KCNIP1: variants seen among roughly 807,000 people sequenced by gnomAD.
The protein encoded by KCNIP1 is potassium voltage-gated channel interacting protein 1.
Under a neutral mutation model 33.0 loss-of-function variants are expected in KCNIP1, and 18 were observed. The observed-to-expected ratio is 0.55, with a 90% CI of 0.38 to 0.81. The LOEUF (loss-of-function observed/expected upper bound fraction) is 0.81, where lower values mean the gene tolerates loss of function less well. KCNIP1 is among the 30% of genes least tolerant of loss of function. The pLI is 0.00. For synonymous variants in KCNIP1, 93 were observed against 98.3 expected (o/e 0.95, Z 0.32); for missense variants, 238 against 271.6 (o/e 0.88, Z 0.87).
chr5:170,687,662 G>T (rs1762584858), intron 1 of KCNIP1, among the ~76,000 whole-genome samples: 1 of 152,200 alleles, frequency 6.6e-6, no homozygotes, highest in South Asian at 2.1e-4. Context: ...TTTAGGGGAG[G>T]CATTGCTATG....
intron 1 of KCNIP1, among the ~76,000 whole-genome samples, chr5:170,478,459 G>A (rs564600127): frequency 2.0e-5 from 3 of 152,076 alleles, no homozygotes; most frequent in Non-Finnish European, 4.4e-5. Flanking sequence ...CAGTCCTGAT[G>A]GAGTGTAGAT....
At chr5:170,521,314 A>G (rs115684243) in intron 1 of KCNIP1, among the ~76,000 whole-genome samples, 1,543 of 152,340 alleles carry the variant, frequency 0.01, 23 homozygotes, top group African/African-American at 0.036. Flanking sequence ...TGGAAGATAG[A>G]TGAAGTTTAT....
chr5:170,643,249 G>T (rs1204383627), intron 1 of KCNIP1, among the ~76,000 whole-genome samples: 2 of 152,260 alleles, frequency 1.3e-5, no homozygotes, highest in Non-Finnish European at 2.9e-5. Context: ...GGTTTTCTCT[G>T]TGAGCTTCCC....
At chr5:170,452,733 T>C (rs1245055171) in intron 1 of KCNIP1, among the ~76,000 whole-genome samples, 12 of 152,206 alleles carry the variant, frequency 7.9e-5, no homozygotes, top group Admixed American at 7.9e-4. Context: ...ACTGTTACTC[T>C]CTGTCAGTTA....
At position 170,624,164 on chromosome 5, in the gene KCNIP1, T is replaced by A. The variant is rs192032647; in HGVS notation, c.62-94594T>A. Among the ~76,000 whole-genome samples, 69 of 152,328 alleles carry A rather than the reference T, an allele frequency of 4.5e-4. 2 individuals carry two copies. The highest frequency in any genetic ancestry group is 1.2e-4 in the Non-Finnish European group (8 of 68,036). On this transcript the variant is annotated intron_variant, in intron 1 of 7. Coordinates refer to ENST00000328939, the MANE Select transcript of KCNIP1 (RefSeq NM_014592.4). Reference sequence around the variant, plus strand: ...GATTCGAACAGCATAATCAAATAGGTCATACCCATAAATCAACACATTTGA... The same window carrying A: ...GATTCGAACAGCATAATCAAATAGGACATACCCATAAATCAACACATTTGA...
chr5:170,540,343 G>C (rs1467190592), intron 1 of KCNIP1, among the ~76,000 whole-genome samples: 1 of 152,194 alleles, frequency 6.6e-6, no homozygotes, highest in Non-Finnish European at 1.5e-5. Flanking sequence ...AGTCTCAAAA[G>C]GTATGTTGAG....
Position 170,489,356 on chromosome 5 carries a change from C to T in KCNIP1, c.88+135392C>T, listed in dbSNP as rs1245721215. Reference sequence around the variant, plus strand: ...AGAAGGAATGAGACTGTCTGGTTGCCGCTAGACTTTGGCCAGGGCTGTCCT... The same window carrying T: ...AGAAGGAATGAGACTGTCTGGTTGCTGCTAGACTTTGGCCAGGGCTGTCCT... On this transcript the variant is annotated intron_variant, in intron 1 of 7. Coordinates refer to the KCNIP1 transcript ENST00000377360. The surrounding 1 kb of genome is among the most constrained non-coding windows in gnomAD (Gnocchi z 4.3). 1.3e-5 allele frequency among the ~76,000 whole-genome samples: 2 copies of T among 152,222 alleles called. No individual in the cohort carries two copies. The highest frequency in any genetic ancestry group is 2.4e-5 in the African/African-American group (1 of 41,462).
intron 1 of KCNIP1, among the ~76,000 whole-genome samples, chr5:170,576,573 A>G (rs1367658741): frequency 6.6e-6 from 1 of 152,194 alleles, no homozygotes; most frequent in Admixed American, 6.5e-5. Context: ...CACAGGATTG[A>G]TCCTCCACTC....
rs1446993133 is a variant in KCNIP1, at chr5:170,681,095, G to T, written c.62-37663G>T. On this transcript the variant is annotated intron_variant, in intron 1 of 7. Coordinates refer to ENST00000328939, the MANE Select transcript of KCNIP1 (RefSeq NM_014592.4). Reference sequence around the variant, plus strand: ...TGTGGGCAGAGGGCGAGTCCGAAGGGCTCCAGACACTGGGAATAGTGGTGG... The same window carrying T: ...TGTGGGCAGAGGGCGAGTCCGAAGGTCTCCAGACACTGGGAATAGTGGTGG... The T allele has an allele frequency of 2.5e-5, 10 of 399,538 alleles. No homozygotes were observed. The East Asian group carries it at 3.6e-4, about 14-fold the overall frequency. 24.7% of individuals were successfully genotyped at this position (399,538 alleles called of 1,614,324 possible).
Position 170,712,111 on chromosome 5 carries a change from C to T in KCNIP1, c.62-6647C>T, listed in dbSNP as rs183824309. Among the ~76,000 whole-genome samples, 5 of 152,322 alleles carry T rather than the reference C, an allele frequency of 3.3e-5. No individual in the cohort carries two copies. In the East Asian group the frequency reaches 9.6e-4, roughly 29 times the overall value. On this transcript the variant is annotated intron_variant, in intron 1 of 7. Coordinates refer to ENST00000328939, the MANE Select transcript of KCNIP1 (RefSeq NM_014592.4). ...TAGTGGAGCTCCCTGGGACCTTGGA[C>T]TCACCCAGCTCCACTGTGCCATGGA...
At chr5:170,367,421 G>GAAAGGAAGGAAAGAAA (rs1554086776) in intron 1 of KCNIP1, among the ~76,000 whole-genome samples, 2 of 74,734 alleles carry the variant, frequency 2.7e-5, no homozygotes, top group East Asian at 6.6e-4. Flanking sequence ...AAGAAAGAAA[G>GAAAGGAAGGAAAGAAA]GAAAGAAAGA....
At position 170,555,622 on chromosome 5, in the gene KCNIP1, T is replaced by G. The variant is rs186714822; in HGVS notation, c.61+50989T>G. On this transcript the variant is annotated intron_variant, in intron 1 of 7. Transcript: ENST00000328939. ...CCCTCATGCTCTGCCCCAAACAATT[T>G]GTGGGTGCTGGAAAGTTCTGGCCAT... 5.3e-5 allele frequency among the ~76,000 whole-genome samples: 8 copies of G among 152,282 alleles called. No individual in the cohort carries two copies. In the East Asian group the frequency reaches 1.5e-3, roughly 29 times the overall value.
chr5:170,618,319 G>T (rs1178568011), intron 1 of KCNIP1, among the ~76,000 whole-genome samples: 1 of 151,318 alleles, frequency 6.6e-6, no homozygotes, highest in Non-Finnish European at 1.5e-5. Flanking sequence ...AGGTCTAGTT[G>T]CAAAGTCATG....
intron 1 of KCNIP1, among the ~76,000 whole-genome samples, chr5:170,698,446 G>C (rs1320649876): frequency 6.6e-6 from 1 of 152,134 alleles, no homozygotes; most frequent in Non-Finnish European, 1.5e-5. Context: ...TGTGGCCCTG[G>C]GCAGATGACC....
At chr5:170,681,877 C>T (rs1429010492) in intron 1 of KCNIP1, among the ~76,000 whole-genome samples, 1 of 152,182 alleles carries the variant, frequency 6.6e-6, no homozygotes, top group Non-Finnish European at 1.5e-5. Flanking sequence ...CCAAATAGAA[C>T]ACAGTTTGTC....
At chr5:170,605,518 A>G (rs1393400038) in intron 1 of KCNIP1, among the ~76,000 whole-genome samples, 1 of 152,298 alleles carries the variant, frequency 6.6e-6, no homozygotes, top group East Asian at 1.9e-4. Context: ...CATCACCACT[A>G]TCTGGTTCCA....
At chr5:170,453,853 G>T (rs1297264423) in intron 1 of KCNIP1, among the ~76,000 whole-genome samples, 1 of 152,036 alleles carries the variant, frequency 6.6e-6, no homozygotes, top group Non-Finnish European at 1.5e-5. Flanking sequence ...AGACGTCCTT[G>T]GTTCTACACA....
At chr5:170,478,604 C>T (rs868833720) in intron 1 of KCNIP1, among the ~76,000 whole-genome samples, 5 of 152,156 alleles carry the variant, frequency 3.3e-5, no homozygotes, top group African/African-American at 9.7e-5. Flanking sequence ...TCAGTTTCCC[C>T]GGGGAACCAT....
At chr5:170,734,970 C>A (rs1339550663) in intron 7 of KCNIP1, among the ~76,000 whole-genome samples, 1 of 152,216 alleles carries the variant, frequency 6.6e-6, no homozygotes, top group Non-Finnish European at 1.5e-5. Context: ...CTCTGCACAC[C>A]CAGCTTCCCT....
Sources: gnomAD v4.1 joint callset for allele counts (sites outside exome capture counted in the v4.1 genomes callset) on GRCh38, gnomAD v4.1.1 for gene constraint, Gnocchi (gnomAD v3.1) non-coding constraint, MANE v1.5 for transcripts, NCBI Gene and HGNC (gene_info 2026-07-23, HGNC 2026-07-21) for gene names.